Variants in STAG1 observed in about 807,000 individuals in gnomAD.
The protein encoded by STAG1 is STAG1 cohesin complex component, also known as cohesin subunit SA-1.
STAG1 carries 26 observed loss-of-function variants against 170.9 expected under a neutral mutation model. That is an observed-to-expected ratio of 0.15 (90% CI 0.11 to 0.21). STAG1 has a LOEUF of 0.21. Ranked by LOEUF, STAG1 falls within the 10% of genes least tolerant of loss-of-function variation. STAG1 has a pLI of 1.00. For missense variants in STAG1, 964 were observed against 1,509.5 expected, an observed-to-expected ratio of 0.64 and a Z score of 5.99; for synonymous variants, 514 against 497.7, an observed-to-expected ratio of 1.03 and a Z score of -0.44.
At chr3:136,667,386 C>CA (rs1453473517) in intron 1 of STAG1, among the ~76,000 whole-genome samples, 1 of 149,944 alleles carries the variant, frequency 6.7e-6, no homozygotes, top group African/African-American at 2.5e-5. Flanking sequence ...CATCTCTTAA[C>CA]AAAAAAGAAA....
At chr3:136,742,550 TA>T (rs982496910) in intron 1 of STAG1, among the ~76,000 whole-genome samples, 1 of 151,502 alleles carries the variant, frequency 6.6e-6, no homozygotes, top group Non-Finnish European at 1.5e-5. Flanking sequence ...CCGTCTCCAC[TA>T]AAAAAATACA....
intron 23 of STAG1, 129 bp from the exon 24 acceptor site, chr3:136,369,411 A>T: frequency 3.1e-6 from 2 of 648,272 alleles, no homozygotes. Context: ...CAGTATTTAA[A>T]TTCCAAATAT....
chr3:136,698,572 G>A (rs946255002), intron 1 of STAG1, among the ~76,000 whole-genome samples: 1 of 152,070 alleles, frequency 6.6e-6, no homozygotes, highest in African/African-American at 2.4e-5. Context: ...CAACCACTAC[G>A]GAAAACGGTA....
At chr3:136,451,844 A>G (rs1195781848) in intron 14 of STAG1, among the ~76,000 whole-genome samples, 189 bp downstream of exon 14, 2 of 152,106 alleles carry the variant, frequency 1.3e-5, no homozygotes, top group African/African-American at 4.8e-5. Context: ...GTGTTGATCC[A>G]CACCTACATA....
At chr3:136,442,144 G>A (rs1056210430) in intron 15 of STAG1, among the ~76,000 whole-genome samples, 2 of 152,224 alleles carry the variant, frequency 1.3e-5, no homozygotes, top group Admixed American at 6.5e-5. Context: ...GTTGCAGTGA[G>A]CTGAGAATGC....
intron 22 of STAG1, among the ~76,000 whole-genome samples, chr3:136,385,251 T>A (rs1232186798): frequency 6.6e-6 from 1 of 151,990 alleles, no homozygotes; most frequent in Non-Finnish European, 1.5e-5. Context: ...GAGATCAAGA[T>A]CAGCCTGGGC....
intron 2 of STAG1, among the ~76,000 whole-genome samples, chr3:136,629,246 A>T (rs1445149516): frequency 2.0e-5 from 3 of 152,206 alleles, no homozygotes; most frequent in African/African-American, 7.2e-5. Context: ...TAGCAGCAGG[A>T]CATACAAAAA....
intron 28 of STAG1, among the ~76,000 whole-genome samples, chr3:136,354,518 T>C (rs1022343245): frequency 3.3e-5 from 5 of 151,596 alleles, no homozygotes; most frequent in Admixed American, 2.6e-4. Flanking sequence ...GCCAGGCTGG[T>C]CTTGAACTCT....
At chr3:136,645,377 T>C (rs749969909) in intron 1 of STAG1, among the ~76,000 whole-genome samples, 28 of 152,170 alleles carry the variant, frequency 1.8e-4, no homozygotes, top group Non-Finnish European at 3.5e-4. Context: ...CCTTCCTCCA[T>C]GCTCTATTCT....
intron 6 of STAG1, among the ~76,000 whole-genome samples, chr3:136,525,865 T>C (rs1378942291): frequency 1.3e-5 from 2 of 152,232 alleles, no homozygotes; most frequent in African/African-American, 2.4e-5. Flanking sequence ...CCATTAGTCA[T>C]TCAGGAGCAG....
rs184718556 is a variant in STAG1 at position 136,338,520 on chromosome 3, A to C, written c.3673-70T>G. 19 of 1,136,772 alleles carry C rather than the reference A, an allele frequency of 1.7e-5. No individual in the cohort carries two copies. The Admixed American group carries it at 3.3e-4, about 20-fold the overall frequency. The allele number at this position is 1,136,772 out of a possible 1,614,324, so 70.4% of individuals were successfully genotyped here. A position where few individuals can be genotyped will look rare whatever the true frequency, so the allele number is the denominator to read the frequency against. ...AGACAATGAATTGTGATAATCAGCT[A>C]ATATTTCTGACAGTATCATAAATAT... On this transcript the variant is annotated intron_variant, in intron 32 of 33. Coordinates refer to ENST00000383202, the MANE Select transcript of STAG1 (RefSeq NM_005862.3).
At chr3:136,630,834 T>TA in intron 2 of STAG1, 36 bp downstream of exon 2, 3 of 1,472,990 alleles carry the variant, frequency 2.0e-6, no homozygotes, top group Non-Finnish European at 1.8e-6. Flanking sequence ...AAATTTTCCT[T>TA]AAAAAATATA....
At chr3:136,651,279 C>A (rs1941207537) in intron 1 of STAG1, among the ~76,000 whole-genome samples, 1 of 150,912 alleles carries the variant, frequency 6.6e-6, no homozygotes, top group Non-Finnish European at 1.5e-5. Context: ...GGTGGGAGGA[C>A]TGCTTGAGCC....
chr3:136,637,014 A>G (rs1940589621), intron 1 of STAG1, among the ~76,000 whole-genome samples: 1 of 152,190 alleles, frequency 6.6e-6, no homozygotes, highest in Non-Finnish European at 1.5e-5. Context: ...GTACCCAAAG[A>G]AAAGAAATCC....
At chr3:136,488,651 T>C (rs1157217724) in intron 9 of STAG1, among the ~76,000 whole-genome samples, 1 of 152,216 alleles carries the variant, frequency 6.6e-6, no homozygotes, top group East Asian at 1.9e-4. Flanking sequence ...TTACCTACAC[T>C]GATTATTCTT....
At chr3:136,751,783 C>G (rs1402962943) in intron 1 of STAG1, among the ~76,000 whole-genome samples, 1 of 149,806 alleles carries the variant, frequency 6.7e-6, no homozygotes, top group East Asian at 1.9e-4. Flanking sequence ...CCCCGCTGGG[C>G]GCGGGCGACT....
intron 6 of STAG1, among the ~76,000 whole-genome samples, chr3:136,525,930 T>G (rs1223098505): frequency 6.6e-6 from 1 of 152,196 alleles, no homozygotes; most frequent in Non-Finnish European, 1.5e-5. Flanking sequence ...TAATCCTGAG[T>G]TCTAGTTTGA....
intron 1 of STAG1, among the ~76,000 whole-genome samples, chr3:136,751,776 C>G (rs2107963505): frequency 6.6e-6 from 1 of 150,922 alleles, no homozygotes; most frequent in East Asian, 2.0e-4. Flanking sequence ...GGCCCGGCCC[C>G]GCTGGGCGCG....
At chr3:136,573,862 T>A (rs1937355123) in intron 4 of STAG1, among the ~76,000 whole-genome samples, 1 of 151,842 alleles carries the variant, frequency 6.6e-6, no homozygotes, top group Non-Finnish European at 1.5e-5. Context: ...TCCCAGCTAA[T>A]CAGGAGGCTG....
Sources: gnomAD v4.1 joint callset for allele counts (sites outside exome capture counted in the v4.1 genomes callset) on GRCh38, gnomAD v4.1.1 for gene constraint, MANE v1.5 for transcripts, NCBI Gene and HGNC (gene_info 2026-07-23, HGNC 2026-07-21) for gene names.